The following ACSF2 variants were observed in gnomAD, a reference collection of about 807,000 sequenced individuals.
The protein encoded by ACSF2 is acyl-CoA synthetase family member 2.
Under a neutral mutation model 79.3 loss-of-function variants are expected in ACSF2, and 52 were observed. The observed-to-expected ratio is 0.66, with a 90% CI of 0.53 to 0.83. The LOEUF (loss-of-function observed/expected upper bound fraction) is 0.83, where lower values mean the gene tolerates loss of function less well. Ranked by LOEUF, ACSF2 falls within the 40% of genes least tolerant of loss-of-function variation. ACSF2 has a pLI of 0.00. For missense variants in ACSF2, 661 were observed against 803.3 expected (o/e 0.82, Z 2.14); for synonymous variants, 283 against 312.6 (o/e 0.91, Z 1.00).
chr17:50,455,639 C>T (rs1269767211), intron 1 of ACSF2, among the ~76,000 whole-genome samples: 1 of 152,140 alleles, frequency 6.6e-6, no homozygotes, highest in Admixed American at 6.5e-5. Flanking sequence ...ACCAGGGACT[C>T]CCACATTGAG....
intron 1 of ACSF2, among the ~76,000 whole-genome samples, chr17:50,441,312 A>G (rs112686507): frequency 0.058 from 8,783 of 152,198 alleles, 295 homozygotes; most frequent in Non-Finnish European, 0.068. Context: ...CTGGGACCAC[A>G]GGTATGCACG....
At chr17:50,436,318 A>G (rs1236588728) in intron 1 of ACSF2, among the ~76,000 whole-genome samples, 2 of 151,086 alleles carry the variant, frequency 1.3e-5, no homozygotes, top group East Asian at 3.9e-4. Flanking sequence ...TTTAGTAGAG[A>G]CGGGGTTTCA....
In ACSF2 at chr17:50,460,818, C is replaced by G. The variant is rs1446283267; in HGVS notation, c.270C>G (p.Ala90=). ...CACAGAGGGTCCCAGAACGAGAGGC[C>G]TTGGTCGTCCTCCATGAAGACGTCA... The part of the protein sequence containing the change: ...TTAQRVPERE[A]LVVLHEDVRL... Residue 90 remains alanine, a synonymous_variant, in exon 2 of 16, where the codon GCC becomes GCG. Coordinates refer to ENST00000300441, the MANE Select transcript of ACSF2 (RefSeq NM_025149.6). The G allele has an allele frequency of 6.2e-7, 1 of 1,612,134 alleles. No homozygotes were observed. The highest frequency in any genetic ancestry group is 8.5e-7 in the Non-Finnish European group (1 of 1,179,006).
chr17:50,473,729 A>T lies in ACSF2; in HGVS notation c.1540A>T (p.Ile514Phe), dbSNP rs2033220921. 6.2e-7 allele frequency: 1 copy of T among 1,614,232 alleles called. No homozygotes were observed. The highest frequency in any genetic ancestry group is 8.5e-7 in the Non-Finnish European group (1 of 1,180,046). Reference sequence around the variant, plus strand: ...CGTGGGCCGCTCTAAGGATATGATCATCCGGGGTGGTGAGAACATCTACCC... The same window carrying T: ...CGTGGGCCGCTCTAAGGATATGATCTTCCGGGGTGGTGAGAACATCTACCC... ...KIVGRSKDMIIRGGENIYPAE... is the reference protein window; with the variant it reads ...KIVGRSKDMIFRGGENIYPAE... Residue 514 changes from isoleucine (I) to phenylalanine (F), a missense_variant, in exon 13 of 16, where the codon ATC becomes TTC. By Grantham distance (21) the Ile-to-Phe change is conservative. Transcript: ENST00000300441.
chr17:50,463,436 C>CCATTGCCTGGTA lies in ACSF2; in HGVS notation c.940_941insTACATTGCCTGG (p.Leu313_Gly314insValHisCysLeu). 6.2e-7 allele frequency: 1 copy of CCATTGCCTGGTA among 1,614,158 alleles called. No individual in the cohort carries two copies. The highest frequency in any genetic ancestry group is 1.1e-5 in the South Asian group (1 of 91,086). On this transcript the variant is annotated inframe_insertion, in exon 8 of 16. Coordinates refer to ENST00000300441, the MANE Select transcript of ACSF2 (RefSeq NM_025149.6). This position sits in a 1 kb window ranked among gnomAD's most constrained non-coding sequence, Gnocchi z 4.6. ...GGATGATCCTGCCCAACCCCCTGTA[C>CCATTGCCTGGTA]CATTGCCTGGGTTCCGTGGCAGGCA...
In ACSF2 at chr17:50,462,531, A is replaced by G. The variant is rs375794969; in HGVS notation, c.738A>G (p.Gln246=). The G allele has an allele frequency of 6.2e-7, 1 of 1,613,816 alleles. No individual in the cohort carries two copies. The highest frequency in any genetic ancestry group is 8.5e-7 in the Non-Finnish European group (1 of 1,179,952). The change falls in exon 6 of 16, where the codon CAA becomes CAG. Residue 246 remains glutamine, a synonymous_variant. Transcript: ENST00000300441. ...GSTRQHLDQL[Q]YNQQFLSCHD... ...CACGGCAGCATCTGGACCAGCTCCA[A>G]TACAACCAGCAGTTCCTGTCCTGCC...
intron 12 of ACSF2, chr17:50,472,807 C>T: frequency 2.3e-6 from 1 of 436,756 alleles, no homozygotes; most frequent in East Asian, 4.0e-5. Flanking sequence ...AATCTGAGTC[C>T]AGATTCAGTC....
rs147523882 is a variant in ACSF2 at position 50,462,064 on chromosome 17, G to A, written c.508-120G>A. On this transcript the variant is annotated intron_variant, in intron 4 of 15. Transcript: ENST00000300441. ...GGAGTGTGGTGCCTGTGAGTGTGCTGGAGGTGTGTGTGTCAGAAGCGGGTG... is the reference window on the plus strand; with the variant it reads ...GGAGTGTGGTGCCTGTGAGTGTGCTAGAGGTGTGTGTGTCAGAAGCGGGTG... 9.1e-5 allele frequency: 72 copies of A among 787,578 alleles called. No individual in the cohort carries two copies. In the East Asian group the frequency reaches 1.9e-3, roughly 21 times the overall value. The allele number at this position is 787,578 out of a possible 1,614,324, so 48.8% of individuals were successfully genotyped here. A position where few individuals can be genotyped will look rare whatever the true frequency, so the allele number is the denominator to read the frequency against.
chr17:50,434,613 T>C (rs1241252772), intron 1 of ACSF2, among the ~76,000 whole-genome samples: 1 of 151,838 alleles, frequency 6.6e-6, no homozygotes, highest in East Asian at 1.9e-4. Context: ...TTGAACCCAG[T>C]GGGTGGAGGT....
intron 1 of ACSF2, among the ~76,000 whole-genome samples, chr17:50,440,547 T>C (rs1267474083): frequency 6.6e-6 from 1 of 152,224 alleles, no homozygotes; most frequent in Non-Finnish European, 1.5e-5. Context: ...TGTGGCTCCC[T>C]CAGAGCCCAG....
At chr17:50,426,507 C>T (rs1436493910) in intron 1 of ACSF2, 118 bp downstream of exon 1, 45 of 1,180,262 alleles carry the variant, frequency 3.8e-5, no homozygotes, top group Non-Finnish European at 4.8e-5. Flanking sequence ...GGAAGGTACC[C>T]GCCCCTCCCC....
At chr17:50,469,813 A>C (rs1490468526) in intron 10 of ACSF2, 2 of 151,708 alleles carry the variant, frequency 1.3e-5, no homozygotes, top group East Asian at 3.9e-4. Flanking sequence ...GACTGTGAGG[A>C]GGGGTGCGGG....
chr17:50,459,576 A>C (rs1421102756), intron 1 of ACSF2, among the ~76,000 whole-genome samples: 2 of 152,066 alleles, frequency 1.3e-5, no homozygotes, highest in African/African-American at 4.8e-5. Context: ...AAAGGTGGGG[A>C]AAGTTAAGTG....
intron 2 of ACSF2, 143 bp downstream of exon 2, chr17:50,461,015 G>A: frequency 8.6e-7 from 1 of 1,167,286 alleles, no homozygotes; most frequent in Non-Finnish European, 1.2e-6. Context: ...GCAGGAGAAG[G>A]AGACAGGACT....
At chr17:50,468,168 T>C in intron 10 of ACSF2, 1 of 1,614,158 alleles carries the variant, frequency 6.2e-7, no homozygotes, top group Non-Finnish European at 8.5e-7. Flanking sequence ...CGTAGCTTGC[T>C]CAGGGCAGCT....
chr17:50,435,323 CAT>C (rs1254640208), intron 1 of ACSF2, among the ~76,000 whole-genome samples: 1 of 152,060 alleles, frequency 6.6e-6, no homozygotes, highest in Non-Finnish European at 1.5e-5. Context: ...CTTTGTCAGA[CAT>C]GTGGCTTACA....
chr17:50,445,215 T>TA (rs771889949), intron 1 of ACSF2, among the ~76,000 whole-genome samples: 7 of 152,308 alleles, frequency 4.6e-5, no homozygotes, highest in Non-Finnish European at 1.0e-4. Flanking sequence ...GTGCCTGACT[T>TA]ACATGAGGCT....
intron 1 of ACSF2, among the ~76,000 whole-genome samples, chr17:50,433,592 G>C (rs900096605): frequency 3.9e-5 from 6 of 152,152 alleles, no homozygotes; most frequent in Non-Finnish European, 7.4e-5. Flanking sequence ...TCTCTGTCCA[G>C]CTATTCCAAA....
At position 50,463,692 on chromosome 17, in the gene ACSF2, G is replaced by A; in HGVS notation, c.1047-126G>A. On this transcript the variant is annotated intron_variant, in intron 8 of 15. Transcript: ENST00000300441. This position sits in a 1 kb window ranked among gnomAD's most constrained non-coding sequence, Gnocchi z 4.6. Reference sequence around the variant, plus strand: ...GGGACAGTGGAGGACCCCCAGGAGAGGACCAGTTCCTGCCTCAGGAGCTTC... The same window carrying A: ...GGGACAGTGGAGGACCCCCAGGAGAAGACCAGTTCCTGCCTCAGGAGCTTC... 6.7e-7 allele frequency: 1 copy of A among 1,481,792 alleles called. No individual in the cohort carries two copies. Among genetic ancestry groups the A allele is most frequent in the South Asian group, 1.2e-5 (1 of 80,098 alleles). 91.8% of individuals were successfully genotyped at this position (1,481,792 alleles called of 1,614,324 possible). A position where few individuals can be genotyped will look rare whatever the true frequency, so the allele number is the denominator to read the frequency against.
Sources: gnomAD v4.1 joint callset for allele counts (sites outside exome capture counted in the v4.1 genomes callset) on GRCh38, gnomAD v4.1.1 for gene constraint, Gnocchi (gnomAD v3.1) non-coding constraint, MANE v1.5 for transcripts, NCBI Gene and HGNC (gene_info 2026-07-23, HGNC 2026-07-21) for gene names.